The following DLK2 variants were observed in gnomAD, a reference collection of about 807,000 sequenced individuals.
DLK2 encodes delta like non-canonical Notch ligand 2, also known as protein delta homolog 2.
In DLK2, 9 loss-of-function variants were observed where a neutral mutation model predicts 31.3. That is an observed-to-expected ratio of 0.29 (90% CI 0.17 to 0.50). The LOEUF is 0.50. DLK2 is among the 20% of genes least tolerant of loss of function. DLK2 has a pLI of 0.98. For missense variants in DLK2, 387 were observed against 526.1 expected, an observed-to-expected ratio of 0.74 and a Z score of 2.59; for synonymous variants, 169 against 201.2, an observed-to-expected ratio of 0.84 and a Z score of 1.35.
At position 43,450,477 on chromosome 6, in the gene DLK2, G is replaced by A. The variant is rs1783642021; in HGVS notation, c.*62C>T. 1.7e-5 allele frequency: 25 copies of A among 1,501,238 alleles called. No homozygotes were observed. The South Asian group carries it at 2.0e-4, about 12-fold the overall frequency. The allele number at this position is 1,501,238 out of a possible 1,614,324, so 93.0% of individuals were successfully genotyped here. ...ACCCAAGCTGAAGGGTGGTGAGAAC[G>A]GACCACTCCAGTCTGAGGGGTGGAA... On this transcript the variant is annotated 3_prime_UTR_variant, in exon 6 of 6. Transcript: ENST00000372488. The surrounding 1 kb of genome is among the most constrained non-coding windows in gnomAD (Gnocchi z 4.5).
chr6:43,450,605 C>T lies in DLK2; in HGVS notation c.1086G>A (p.Met362Ile). Residue 362 changes from methionine to isoleucine, a missense_variant, in exon 6 of 6, where the codon ATG becomes ATA. Transcript: ENST00000372488. This position sits in a 1 kb window ranked among gnomAD's most constrained non-coding sequence, Gnocchi z 4.5. The part of the protein sequence containing the change: ...ACQDQECQVS[M>I]LPAGLPLPRD... ...GTGGCAGGGGGAGCCCTGCTGGCAGCATGCTAACCTGACACTCCTGGTCCT... is the reference window on the plus strand; with the variant it reads ...GTGGCAGGGGGAGCCCTGCTGGCAGTATGCTAACCTGACACTCCTGGTCCT... The T allele has an allele frequency of 6.2e-7, 1 of 1,601,184 alleles. No individual in the cohort carries two copies. Among genetic ancestry groups the T allele is most frequent in the Non-Finnish European group, 8.5e-7 (1 of 1,171,986 alleles).
intron 2 of DLK2, 136 bp from the exon 3 acceptor site, chr6:43,454,610 C>T (rs1263633143): frequency 3.0e-6 from 4 of 1,344,722 alleles, no homozygotes; most frequent in Non-Finnish European, 3.1e-6. Context: ...AGAAACTCAT[C>T]CCATTCCAAA....
chr6:43,453,622 G>A lies in DLK2; in HGVS notation c.141-487C>T, dbSNP rs978568614. ...AGCCTGGCCAACTGGGTGAAACCCC[G>A]TCTCTACAAAAAATACAAAAAATTA... On this transcript the variant is annotated intron_variant, in intron 3 of 5. Coordinates refer to ENST00000372488, the MANE Select transcript of DLK2 (RefSeq NM_023932.4). This position sits in a 1 kb window ranked among gnomAD's most constrained non-coding sequence, Gnocchi z 4.1. Among the ~76,000 whole-genome samples, 12 of 152,146 alleles carry A rather than the reference G, an allele frequency of 7.9e-5. No individual in the cohort carries two copies. Among genetic ancestry groups the A allele is most frequent in the Non-Finnish European group, 1.3e-4 (9 of 67,976 alleles).
At chr6:43,454,659 G>T in intron 2 of DLK2, 91 bp downstream of exon 2, 1 of 1,472,188 alleles carries the variant, frequency 6.8e-7, no homozygotes, top group South Asian at 1.2e-5. Context: ...GGGTCGGAGC[G>T]ACTGCAGTGC....
Position 43,453,762 on chromosome 6 carries a change from CTTGGCAACAAAG to C in DLK2, c.140+637_141-628del, listed in dbSNP as rs564945226. On this transcript the variant is annotated intron_variant, in intron 3 of 5. Coordinates refer to ENST00000372488, the MANE Select transcript of DLK2 (RefSeq NM_023932.4). This position sits in a 1 kb window ranked among gnomAD's most constrained non-coding sequence, Gnocchi z 4.1. ...TGAGATCGCGCCACTGCACTCCAGC[CTTGGCAACAAAG>C]CGAGACTCTGTCTCAAAAACAAAAA... Among the ~76,000 whole-genome samples, 1,647 of 152,234 alleles carry C rather than the reference CTTGGCAACAAAG, an allele frequency of 0.011. 33 individuals are homozygous for C. The highest frequency in any genetic ancestry group is 0.036 in the African/African-American group (1,499 of 41,530).
chr6:43,451,217 G>A lies in DLK2; in HGVS notation c.474C>T (p.Phe158=), dbSNP rs1176529541. ...CAAAGCCCACCAAGCAGCGGCACGT[G>A]AAGTTGAGAGCAAAGCCCTGGTCGT... is the stretch of plus-strand genomic sequence containing the variant. ...CQDDQGFALN[F]TCRCLVGFVG... The change falls in exon 6 of 6, where the codon TTC becomes TTT. Residue 158 remains phenylalanine, a synonymous_variant. Coordinates refer to ENST00000372488, the MANE Select transcript of DLK2 (RefSeq NM_023932.4). The surrounding 1 kb of genome is among the most constrained non-coding windows in gnomAD (Gnocchi z 4.4). The A allele has an allele frequency of 1.9e-6, 3 of 1,614,184 alleles. No individual in the cohort carries two copies. Among genetic ancestry groups the A allele is most frequent in the Non-Finnish European group, 2.5e-6 (3 of 1,180,038 alleles).
At chr6:43,455,034 G>A in intron 1 of DLK2, 154 bp from the exon 2 acceptor site, 1 of 985,128 alleles carries the variant, frequency 1.0e-6, no homozygotes, top group Non-Finnish European at 1.2e-6. Flanking sequence ...GGGTTGAGCA[G>A]GCGAAGAGAG....
chr6:43,452,895 C>T (rs1783827480), intron 4 of DLK2, 110 bp downstream of exon 4: 3 of 1,440,966 alleles, frequency 2.1e-6, no homozygotes, highest in South Asian at 2.6e-5. Context: ...GATAAAATAC[C>T]ATGTATTTGA....
Position 43,453,253 on chromosome 6 carries a change from A to G in DLK2, c.141-118T>C. 1 of 1,352,820 alleles carries G rather than the reference A, an allele frequency of 7.4e-7. No individual in the cohort carries two copies. Among genetic ancestry groups the G allele is most frequent in the Admixed American group, 2.8e-5 (1 of 35,158 alleles). The allele number at this position is 1,352,820 out of a possible 1,614,324, so 83.8% of individuals were successfully genotyped here. ...TATGACAGCCCCTAAGGGAAAGCAG[A>G]CCTGTCCCAGGTAGGTGTAGGACTG... is the stretch of plus-strand genomic sequence containing the variant. On this transcript the variant is annotated intron_variant, in intron 3 of 5. Coordinates refer to ENST00000372488, the MANE Select transcript of DLK2 (RefSeq NM_023932.4). This position sits in a 1 kb window ranked among gnomAD's most constrained non-coding sequence, Gnocchi z 4.1.
rs1319935444 is a variant in DLK2 at position 43,451,210 on chromosome 6, G to A, written c.481C>T (p.Arg161Cys). The A allele has an allele frequency of 1.9e-6, 3 of 1,614,024 alleles. No individual in the cohort carries two copies. The highest frequency in any genetic ancestry group is 2.5e-6 in the Non-Finnish European group (3 of 1,180,034). The change falls in exon 6 of 6, where the codon CGC (arginine) becomes TGC (cysteine). Residue 161 changes from arginine (R) to cysteine (C), a missense_variant. Transcript: ENST00000372488. The surrounding 1 kb of genome is among the most constrained non-coding windows in gnomAD (Gnocchi z 4.4). The stretch of plus-strand genomic sequence containing the variant: ...GCACCCACAAAGCCCACCAAGCAGC[G>A]GCACGTGAAGTTGAGAGCAAAGCCC... ...DQGFALNFTC[R>C]CLVGFVGARC...
At chr6:43,455,055 G>A (rs1218506931) in intron 1 of DLK2, 175 bp from the exon 2 acceptor site, 2 of 985,148 alleles carry the variant, frequency 2.0e-6, no homozygotes, top group Non-Finnish European at 1.2e-6. Flanking sequence ...CGAGGAGAGC[G>A]AAGACAGGAA....
At position 43,454,851 on chromosome 6, in the gene DLK2, G is replaced by A; in HGVS notation, c.-26C>T. 1 of 1,537,624 alleles carries A rather than the reference G, an allele frequency of 6.5e-7. No homozygotes were observed. Among genetic ancestry groups the A allele is most frequent in the South Asian group, 1.2e-5 (1 of 83,996 alleles). On this transcript the variant is annotated 5_prime_UTR_variant, in exon 2 of 6. Transcript: ENST00000372488. ...GGTCAGCGCCGGCCCCAGGAGGGAC[G>A]GACGGATGGACGGCCGGACGCGTGG...
rs574516056 is a variant in DLK2 at position 43,451,369 on chromosome 6, T to C, written c.417-95A>G. On this transcript the variant is annotated intron_variant, in intron 5 of 5. Transcript: ENST00000372488. The surrounding 1 kb of genome is among the most constrained non-coding windows in gnomAD (Gnocchi z 4.4). The stretch of plus-strand genomic sequence containing the variant: ...CCTGACCACTGCCCGCCATGTCATC[T>C]TGGGCTACACACTCCGAGCCTCAAA... 4 of 1,467,982 alleles carry C rather than the reference T, an allele frequency of 2.7e-6. No homozygotes were observed. The South Asian group carries it at 4.0e-5, about 15-fold the overall frequency. 90.9% of individuals were successfully genotyped at this position (1,467,982 alleles called of 1,614,324 possible).
rs1263138901 is a variant in DLK2 at position 43,454,780 on chromosome 6, T to TGC, written c.44_45dup (p.Ile16AlafsTer47). The TGC allele has an allele frequency of 1.3e-6, 2 of 1,550,974 alleles. No individual in the cohort carries two copies. Among genetic ancestry groups the TGC allele is most frequent in the Non-Finnish European group, 1.7e-6 (2 of 1,155,648 alleles). ...ACAGGCTGACCGGGAGCCCCCAGAATGCACAACAGGCACACGAGATGCAGG... is the reference window on the plus strand; with the variant it reads ...ACAGGCTGACCGGGAGCCCCCAGAATGCGCACAACAGGCACACGAGATGCAGG... On this transcript the variant is annotated frameshift_variant, in exon 2 of 6. Coordinates refer to ENST00000372488, the MANE Select transcript of DLK2 (RefSeq NM_023932.4). LOFTEE classifies it high-confidence loss of function.
chr6:43,451,811 T>A lies in DLK2; in HGVS notation c.416+129A>T. The A allele has an allele frequency of 2.1e-6, 3 of 1,417,308 alleles. No homozygotes were observed. The highest frequency in any genetic ancestry group is 3.3e-5 in the South Asian group (2 of 61,146). 87.8% of individuals were successfully genotyped at this position (1,417,308 alleles called of 1,614,324 possible). On this transcript the variant is annotated intron_variant, in intron 5 of 5. Coordinates refer to ENST00000372488, the MANE Select transcript of DLK2 (RefSeq NM_023932.4). This position sits in a 1 kb window ranked among gnomAD's most constrained non-coding sequence, Gnocchi z 4.4. ...CTAGGAACACTTTGGCATGCAGGGG[T>A]TTTATCTGAGTGTCCCCGTGTGGGT...
Position 43,450,422 on chromosome 6 carries a change from G to A in DLK2, c.*117C>T, listed in dbSNP as rs1783636669. 3 of 1,154,568 alleles carry A rather than the reference G, an allele frequency of 2.6e-6. No homozygotes were observed. The East Asian group carries it at 7.8e-5, about 30-fold the overall frequency. The allele number at this position is 1,154,568 out of a possible 1,614,324, so 71.5% of individuals were successfully genotyped here. On this transcript the variant is annotated 3_prime_UTR_variant, in exon 6 of 6. Transcript: ENST00000372488. This position sits in a 1 kb window ranked among gnomAD's most constrained non-coding sequence, Gnocchi z 4.5. ...GTGTATTAAAAAAATAATATTTCTGGTGTGAGGCTGAGGTCTCCTCTGTGT... is the reference window on the plus strand; with the variant it reads ...GTGTATTAAAAAAATAATATTTCTGATGTGAGGCTGAGGTCTCCTCTGTGT...
Position 43,452,054 on chromosome 6 carries a change from C to G in DLK2, c.302G>C (p.Cys101Ser). 1 of 1,614,218 alleles carries G rather than the reference C, an allele frequency of 6.2e-7. No homozygotes were observed. The highest frequency in any genetic ancestry group is 8.5e-7 in the Non-Finnish European group (1 of 1,180,048). ...DEHICTTQSP[C>S]QNGGQCMYDG... ...ATACATGCACTGGCCTCCATTCTGGCAGGGGGACTGCGTGGTACAGATATG... is the reference window on the plus strand; with the variant it reads ...ATACATGCACTGGCCTCCATTCTGGGAGGGGGACTGCGTGGTACAGATATG... Residue 101 changes from cysteine to serine, a missense_variant, in exon 5 of 6, where the codon TGC (cysteine) becomes TCC (serine). Cys to Ser is a moderately radical substitution (Grantham distance 112). Coordinates refer to ENST00000372488, the MANE Select transcript of DLK2 (RefSeq NM_023932.4).
rs1158609546 is a variant in DLK2 at position 43,451,672 on chromosome 6, C to T, written c.416+268G>A. Among the ~76,000 whole-genome samples, 2 of 152,086 alleles carry T rather than the reference C, an allele frequency of 1.3e-5. No individual in the cohort carries two copies. Among genetic ancestry groups the T allele is most frequent in the Non-Finnish European group, 2.9e-5 (2 of 68,016 alleles). On this transcript the variant is annotated intron_variant, in intron 5 of 5. Transcript: ENST00000372488. This position sits in a 1 kb window ranked among gnomAD's most constrained non-coding sequence, Gnocchi z 4.4. Reference sequence around the variant, plus strand: ...GAGAGACCCAGGCCCTTCAGTCTCCCCACACCCACCCTCCCCAACCAGAAC... The same window carrying T: ...GAGAGACCCAGGCCCTTCAGTCTCCTCACACCCACCCTCCCCAACCAGAAC...
At position 43,451,788 on chromosome 6, in the gene DLK2, A is replaced by G; in HGVS notation, c.416+152T>C. ...AAAAAAAGTTGAGAAACCCTGAACT[A>G]GGAACACTTTGGCATGCAGGGGTTT... is the stretch of plus-strand genomic sequence containing the variant. On this transcript the variant is annotated intron_variant, in intron 5 of 5. Transcript: ENST00000372488. The surrounding 1 kb of genome is among the most constrained non-coding windows in gnomAD (Gnocchi z 4.4). 1 of 1,417,066 alleles carries G rather than the reference A, an allele frequency of 7.1e-7. No homozygotes were observed. The highest frequency in any genetic ancestry group is 9.2e-7 in the Non-Finnish European group (1 of 1,085,116). The allele number at this position is 1,417,066 out of a possible 1,614,324, so 87.8% of individuals were successfully genotyped here. A position where few individuals can be genotyped will look rare whatever the true frequency, so the allele number is the denominator to read the frequency against.
Sources: allele counts gnomAD v4.1 joint callset (sites outside exome capture counted in the v4.1 genomes callset), GRCh38; gene constraint gnomAD v4.1.1; non-coding constraint Gnocchi (gnomAD v3.1); transcripts MANE v1.5; gene names NCBI Gene and HGNC (gene_info 2026-07-23, HGNC 2026-07-21).